Variants in CCND3 observed in about 807,000 individuals in gnomAD.
CCND3 encodes cyclin D3.
CCND3 carries 9 observed loss-of-function variants against 28.7 expected under a neutral mutation model. The observed-to-expected ratio is 0.31, with a 90% confidence interval of 0.19 to 0.55. The LOEUF is 0.55. Among genes scored for constraint, CCND3 ranks in the 20% least tolerant of loss-of-function variants. The pLI, the probability that CCND3 is intolerant of heterozygous loss-of-function variation, is 0.93. For synonymous variants in CCND3, 164 were observed against 163.9 expected (o/e 1.00, Z 0.00); for missense variants, 315 against 385.8 (o/e 0.82, Z 1.54).
chr6:41,984,968 A>G (rs752886618), intron 1 of CCND3, among the ~76,000 whole-genome samples: 1 of 151,968 alleles, frequency 6.6e-6, no homozygotes, highest in Non-Finnish European at 1.5e-5. Flanking sequence ...TCCTCTCTCA[A>G]CTGACCTTTG....
At chr6:42,034,477 T>C (rs1764142426) in intron 1 of CCND3, among the ~76,000 whole-genome samples, 1 of 116,668 alleles carries the variant, frequency 8.6e-6, no homozygotes, top group South Asian at 3.2e-4. Flanking sequence ...TCTTTTTTTT[T>C]TTTTTTTTTT....
At chr6:42,047,561 C>T (rs1020222468) in intron 1 of CCND3, among the ~76,000 whole-genome samples, 2 of 152,142 alleles carry the variant, frequency 1.3e-5, no homozygotes, top group African/African-American at 4.8e-5. Flanking sequence ...ACTGTCACAT[C>T]ACCCCCAGGT....
intron 1 of CCND3, among the ~76,000 whole-genome samples, chr6:42,036,326 A>T (rs1468234291): frequency 6.8e-5 from 9 of 131,830 alleles, no homozygotes; most frequent in Middle Eastern, 4.4e-3. Flanking sequence ...ATATATATAA[A>T]ATATATATAT....
At chr6:42,010,986 A>G (rs553302304) in intron 1 of CCND3, 1 of 152,248 alleles carries the variant, frequency 6.6e-6, no homozygotes, top group Non-Finnish European at 1.5e-5. Flanking sequence ...ACACTTCAGG[A>G]GTTCATCCAA....
chr6:41,960,065 T>C (rs1054081212), intron 1 of CCND3, among the ~76,000 whole-genome samples: 2 of 152,146 alleles, frequency 1.3e-5, no homozygotes, highest in African/African-American at 4.8e-5. Flanking sequence ...AGGAGTGCAG[T>C]ATTGATGCAT....
chr6:41,944,751 G>A (rs1776127587), upstream of CCND3, among the ~76,000 whole-genome samples: 1 of 152,142 alleles, frequency 6.6e-6, no homozygotes, highest in Non-Finnish European at 1.5e-5. Flanking sequence ...AATTGAGGGA[G>A]GGCCACATAG....
At chr6:41,958,186 G>A (rs1027283177) in intron 1 of CCND3, among the ~76,000 whole-genome samples, 13 of 150,968 alleles carry the variant, frequency 8.6e-5, no homozygotes, top group African/African-American at 2.2e-4. Context: ...TAGTAGAGAC[G>A]GGTTTTCACC....
At chr6:41,956,513 C>T (rs1776439861) in intron 1 of CCND3, among the ~76,000 whole-genome samples, 1 of 152,096 alleles carries the variant, frequency 6.6e-6, no homozygotes, top group Non-Finnish European at 1.5e-5. Context: ...ACCCTGCTTG[C>T]AACTTACACA....
intron 1 of CCND3, among the ~76,000 whole-genome samples, chr6:42,038,427 T>C (rs1408188625): frequency 6.6e-6 from 1 of 151,470 alleles, no homozygotes; most frequent in Non-Finnish European, 1.5e-5. Flanking sequence ...GTGGTCCCAG[T>C]TACTTGGGAG....
upstream of CCND3, among the ~76,000 whole-genome samples, chr6:41,946,040 G>A (rs4714520): frequency 0.33 from 49,669 of 151,886 alleles, 8,967 homozygotes; most frequent in African/African-American, 0.48. Context: ...AACGGTAAAC[G>A]CATGGTCTAG....
At chr6:42,019,294 C>T (rs1007267340) in intron 1 of CCND3, among the ~76,000 whole-genome samples, 30 of 152,162 alleles carry the variant, frequency 2.0e-4, no homozygotes, top group African/African-American at 7.2e-4. Flanking sequence ...TCGAGACCAG[C>T]CTGACCAACA....
intron 1 of CCND3, among the ~76,000 whole-genome samples, chr6:42,026,060 A>G (rs2127434768): frequency 6.6e-6 from 1 of 152,124 alleles, no homozygotes; most frequent in South Asian, 2.1e-4. Flanking sequence ...TGTCAGCTAA[A>G]TGTGACCTGT....
intron 1 of CCND3, among the ~76,000 whole-genome samples, chr6:41,973,065 C>A (rs1452968843): frequency 6.6e-6 from 1 of 151,910 alleles, no homozygotes; most frequent in Non-Finnish European, 1.5e-5. Context: ...AGACGTTGGG[C>A]TGGAAAATGG....
chr6:41,947,751 T>C (rs149812752), intron 1 of CCND3, among the ~76,000 whole-genome samples: 2 of 152,258 alleles, frequency 1.3e-5, no homozygotes, highest in East Asian at 3.9e-4. Flanking sequence ...TCCCCTTCTT[T>C]TCTCGATTTC....
chr6:42,046,647 C>T (rs922993544), intron 1 of CCND3, among the ~76,000 whole-genome samples: 2 of 152,090 alleles, frequency 1.3e-5, no homozygotes, highest in Non-Finnish European at 2.9e-5. Context: ...CACGCACACA[C>T]GCGCGCGCAC....
chr6:41,995,026 C>T (rs957602879), intron 1 of CCND3, among the ~76,000 whole-genome samples: 5 of 151,876 alleles, frequency 3.3e-5, no homozygotes, highest in East Asian at 3.9e-4. Flanking sequence ...CAGCCGAGAT[C>T]GTGCCATTGC....
At chr6:41,987,507 C>CTG (rs1762518901) in intron 1 of CCND3, among the ~76,000 whole-genome samples, 5 of 63,258 alleles carry the variant, frequency 7.9e-5, no homozygotes, top group African/African-American at 3.1e-4. Context: ...CTCTCTCTCT[C>CTG]TCTCTCTCTC....
At chr6:41,964,200 G>T (rs1477530229) in intron 1 of CCND3, among the ~76,000 whole-genome samples, 1 of 152,214 alleles carries the variant, frequency 6.6e-6, no homozygotes, top group African/African-American at 2.4e-5. Context: ...ATGCCCAAGA[G>T]GTATTGGGGG....
chr6:41,984,116 G>A (rs1425716690), intron 1 of CCND3, among the ~76,000 whole-genome samples: 1 of 152,046 alleles, frequency 6.6e-6, no homozygotes, highest in Non-Finnish European at 1.5e-5. Context: ...TATCACAAAT[G>A]GCAGGATTTC....
Sources: gnomAD v4.1 joint callset for allele counts (sites outside exome capture counted in the v4.1 genomes callset) on GRCh38, gnomAD v4.1.1 for gene constraint, MANE v1.5 for transcripts, NCBI Gene and HGNC (gene_info 2026-07-23, HGNC 2026-07-21) for gene names.